The following ATP8A2 variants were observed in gnomAD, a reference collection of about 807,000 sequenced individuals.
The protein encoded by ATP8A2 is ATPase phospholipid transporting 8A2.
ATP8A2 carries 100 observed loss-of-function variants against 165.6 expected under a neutral mutation model. That is an observed-to-expected ratio of 0.60 (90% CI 0.51 to 0.71). The LOEUF (loss-of-function observed/expected upper bound fraction) is 0.71. Ranked by LOEUF, ATP8A2 falls within the 30% of genes least tolerant of loss-of-function variation. The pLI is 0.00. For synonymous variants in ATP8A2, 543 were observed against 548.8 expected (o/e 0.99, Z 0.15); for missense variants, 1,227 against 1,479.5 (o/e 0.83, Z 2.80).
intron 24 of ATP8A2, among the ~76,000 whole-genome samples, chr13:25,623,422 A>G (rs565039245): frequency 6.6e-6 from 1 of 151,998 alleles, no homozygotes; most frequent in South Asian, 2.1e-4. Context: ...AAAAGCCAGG[A>G]CTATGATTTT....
At chr13:25,709,237 G>A (rs976655080) in intron 25 of ATP8A2, among the ~76,000 whole-genome samples, 2 of 152,088 alleles carry the variant, frequency 1.3e-5, no homozygotes, top group South Asian at 2.1e-4. Context: ...TCATAGTGGC[G>A]TCCTTTCACC....
intron 1 of ATP8A2, among the ~76,000 whole-genome samples, chr13:25,434,715 C>G (rs1459555473): frequency 6.6e-6 from 1 of 152,078 alleles, no homozygotes; most frequent in African/African-American, 2.4e-5. Flanking sequence ...TTTTATTTTC[C>G]CGTGTTCCCC....
intron 2 of ATP8A2, among the ~76,000 whole-genome samples, chr13:25,508,735 A>G (rs1216121689): frequency 6.6e-6 from 1 of 152,020 alleles, no homozygotes; most frequent in Non-Finnish European, 1.5e-5. Flanking sequence ...TAGATGATGC[A>G]TATATCCACA....
At chr13:25,743,969 T>C (rs2043972062) in intron 25 of ATP8A2, among the ~76,000 whole-genome samples, 1 of 152,226 alleles carries the variant, frequency 6.6e-6, no homozygotes, top group Non-Finnish European at 1.5e-5. Flanking sequence ...CAGTTAATCC[T>C]ATGACTACAT....
chr13:25,682,101 A>T (rs1019286203), intron 24 of ATP8A2, among the ~76,000 whole-genome samples: 19 of 151,652 alleles, frequency 1.3e-4, no homozygotes, highest in African/African-American at 4.4e-4. Context: ...AGCAAAATTT[A>T]AAAAAAACAC....
intron 25 of ATP8A2, among the ~76,000 whole-genome samples, chr13:25,744,430 G>A (rs531934559): frequency 2.0e-5 from 3 of 152,094 alleles, no homozygotes; most frequent in Non-Finnish European, 4.4e-5. Context: ...AAAACTGTGC[G>A]TGTGTTTGCA....
chr13:25,508,480 C>T (rs192487012), intron 2 of ATP8A2, among the ~76,000 whole-genome samples: 2 of 152,160 alleles, frequency 1.3e-5, no homozygotes, highest in Admixed American at 1.3e-4. Context: ...ATTATATCAC[C>T]ATTAAAAAGG....
intron 1 of ATP8A2, among the ~76,000 whole-genome samples, chr13:25,391,703 G>T (rs1198529019): frequency 6.6e-6 from 1 of 152,162 alleles, no homozygotes; most frequent in Non-Finnish European, 1.5e-5. Context: ...CTTAGTTTTG[G>T]CCTTTGGAAA....
chr13:25,502,339 A>G (rs901122500), intron 2 of ATP8A2, among the ~76,000 whole-genome samples: 13 of 152,166 alleles, frequency 8.5e-5, no homozygotes, highest in African/African-American at 2.4e-5. Context: ...ATTCAGATAA[A>G]TCCTCATTGA....
intron 24 of ATP8A2, among the ~76,000 whole-genome samples, chr13:25,632,852 AGTT>A (rs2041276581): frequency 6.6e-6 from 1 of 152,194 alleles, no homozygotes; most frequent in Admixed American, 6.5e-5. Context: ...GCGTGGGAGA[AGTT>A]GTGCTCTGCT....
chr13:25,396,000 T>G (rs147229754), intron 1 of ATP8A2, among the ~76,000 whole-genome samples: 2 of 152,128 alleles, frequency 1.3e-5, no homozygotes, highest in African/African-American at 4.8e-5. Context: ...TGCATCACCA[T>G]GCCCAGCTAA....
At chr13:25,802,719 A>G (rs988912369) in intron 27 of ATP8A2, among the ~76,000 whole-genome samples, 2 of 152,230 alleles carry the variant, frequency 1.3e-5, no homozygotes, top group African/African-American at 4.8e-5. Context: ...TTCATCATAA[A>G]AGTCAACCTC....
chr13:25,586,400 T>C (rs538090920), intron 23 of ATP8A2, among the ~76,000 whole-genome samples: 1 of 152,240 alleles, frequency 6.6e-6, no homozygotes, highest in African/African-American at 2.4e-5. Flanking sequence ...AGCATGTTCT[T>C]CTGTGTGGCG....
At chr13:25,604,309 C>T (rs1321385541) in intron 24 of ATP8A2, among the ~76,000 whole-genome samples, 3 of 152,006 alleles carry the variant, frequency 2.0e-5, no homozygotes, top group Admixed American at 6.6e-5. Context: ...GATTTAGCAG[C>T]GTGGAGGTCA....
intron 33 of ATP8A2, among the ~76,000 whole-genome samples, chr13:25,904,008 A>G (rs918641093): frequency 6.6e-6 from 1 of 152,132 alleles, no homozygotes; most frequent in Non-Finnish European, 1.5e-5. Flanking sequence ...CAGATTGAGG[A>G]TCCCTTATCC....
intron 25 of ATP8A2, among the ~76,000 whole-genome samples, chr13:25,766,416 CATCATTAAATA>C (rs909909768): frequency 5.9e-4 from 90 of 152,264 alleles, no homozygotes; most frequent in African/African-American, 2.2e-3. Flanking sequence ...TTATTTCCTC[CATCATTAAATA>C]ATCATTACTG....
chr13:25,651,178 C>T (rs761799605), intron 24 of ATP8A2, among the ~76,000 whole-genome samples: 5 of 152,168 alleles, frequency 3.3e-5, no homozygotes, highest in African/African-American at 4.8e-5. Context: ...GGCGTGGTTG[C>T]TCAAACCTGT....
At chr13:25,443,425 A>T (rs754745345) in intron 1 of ATP8A2, among the ~76,000 whole-genome samples, 1 of 152,184 alleles carries the variant, frequency 6.6e-6, no homozygotes, top group Non-Finnish European at 1.5e-5. Flanking sequence ...CTGACAAAGT[A>T]AAAAAGAAAG....
chr13:25,768,929 A>T (rs1260001627), intron 25 of ATP8A2, 117 bp from the exon 26 acceptor site: 3 of 947,106 alleles, frequency 3.2e-6, no homozygotes, highest in Non-Finnish European at 5.0e-6. Flanking sequence ...CATAAAATGG[A>T]TGTATTGAAT....
Sources: gnomAD v4.1 joint callset for allele counts (sites outside exome capture counted in the v4.1 genomes callset) on GRCh38, gnomAD v4.1.1 for gene constraint, MANE v1.5 for transcripts, NCBI Gene and HGNC (gene_info 2026-07-23, HGNC 2026-07-21) for gene names.